The following TANC2 variants were observed in gnomAD, a reference collection of about 807,000 sequenced individuals.
TANC2 encodes protein TANC2.
TANC2 carries 26 observed loss-of-function variants against 210.5 expected under a neutral mutation model. The observed-to-expected ratio is 0.12, with a 90% confidence interval of 0.09 to 0.17. The LOEUF is 0.17. Ranked by LOEUF, TANC2 falls within the 10% of genes least tolerant of loss-of-function variation. The probability of loss-of-function intolerance (pLI) is 1.00; values close to 1 mark genes in which losing one functional copy is unlikely to be tolerated. For synonymous variants in TANC2, 931 were observed against 967.1 expected, an observed-to-expected ratio of 0.96 and a Z score of 0.69; for missense variants, 2,129 against 2,608.9, an observed-to-expected ratio of 0.82 and a Z score of 4.01.
chr17:63,352,774 T>A (rs2046654590), intron 13 of TANC2, among the ~76,000 whole-genome samples: 1 of 152,176 alleles, frequency 6.6e-6, no homozygotes, highest in Non-Finnish European at 1.5e-5. Context: ...AAAATGAGCC[T>A]TCATTTATAT....
In TANC2 at chr17:63,389,547, A is replaced by C; in HGVS notation, c.3051+3A>C. 6.2e-7 allele frequency: 1 copy of C among 1,601,356 alleles called. No homozygotes were observed. The highest frequency in any genetic ancestry group is 2.3e-5 in the East Asian group (1 of 44,434). Reference sequence around the variant, plus strand: ...TGCTGTGCAAGAAACGGGCCAAGGTACTGGCTGCCCAGCTCTGCTGCTTTT... The same window carrying C: ...TGCTGTGCAAGAAACGGGCCAAGGTCCTGGCTGCCCAGCTCTGCTGCTTTT... On this transcript the variant is annotated splice_donor_region_variant and intron_variant, in intron 17 of 27. Coordinates refer to ENST00000689528, the Ensembl canonical transcript of TANC2.
intron 5 of TANC2, chr17:63,153,456 G>A (rs75527397): frequency 6.6e-6 from 1 of 152,300 alleles, no homozygotes; most frequent in East Asian, 1.9e-4. Context: ...GGTTAGAGCA[G>A]TGGTTTTCAA....
chr17:63,266,773 T>G (rs1243010911), intron 8 of TANC2, among the ~76,000 whole-genome samples: 1 of 151,590 alleles, frequency 6.6e-6, no homozygotes, highest in African/African-American at 2.4e-5. Flanking sequence ...ATCTTAGGGG[T>G]TTTTTTTCCC....
chr17:63,136,849 C>G (rs1567754330), intron 4 of TANC2, among the ~76,000 whole-genome samples: 1 of 152,092 alleles, frequency 6.6e-6, no homozygotes, highest in East Asian at 1.9e-4. Flanking sequence ...CTGTGGAGAA[C>G]TCTAGCAGAG....
intron 11 of TANC2, among the ~76,000 whole-genome samples, chr17:63,328,047 A>G (rs1213785085): frequency 6.6e-6 from 1 of 152,172 alleles, no homozygotes; most frequent in Non-Finnish European, 1.5e-5. Flanking sequence ...AGCAACATGG[A>G]TGCAGCCGGA....
exon 14 of TANC2, chr17:63,354,939 A>G (rs1181909409): frequency 7.4e-6 from 12 of 1,613,760 alleles, no homozygotes; most frequent in African/African-American, 2.7e-5. Context: ...AATGGACAAT[A>G]CTACATTTGG....
At chr17:63,407,342 G>A (rs1052226724) in intron 21 of TANC2, among the ~76,000 whole-genome samples, 1 of 152,204 alleles carries the variant, frequency 6.6e-6, no homozygotes, top group African/African-American at 2.4e-5. Flanking sequence ...GGGGAAGCAA[G>A]GAGGAGGAAG....
intron 8 of TANC2, among the ~76,000 whole-genome samples, chr17:63,248,628 T>C (rs2042978500): frequency 6.6e-6 from 1 of 152,176 alleles, no homozygotes; most frequent in Admixed American, 6.5e-5. Context: ...CACCTTCTAT[T>C]GCCTAAGCTC....
rs57550590 is a variant in TANC2, at chr17:63,046,325, C to CTTTTTTTTTTTTTTT, written c.68-27608_68-27594dup. ...CAGGTGCGTGCCACCACACCCAGCT[C>CTTTTTTTTTTTTTTT]TTTTTTTTTTTTTTTTTTTTTTTTG... On this transcript the variant is annotated intron_variant, in intron 2 of 27. Coordinates refer to ENST00000689528, the Ensembl canonical transcript of TANC2. Among the ~76,000 whole-genome samples, 82 of 44,142 alleles carry CTTTTTTTTTTTTTTT rather than the reference C, an allele frequency of 1.9e-3. 20 individuals carry two copies. Among genetic ancestry groups the CTTTTTTTTTTTTTTT allele is most frequent in the African/African-American group, 8.7e-3 (74 of 8,536 alleles). 29.0% of individuals were successfully genotyped at this position (44,142 alleles called of 152,430 possible).
At chr17:62,993,240 C>T (rs1010691963) in intron 1 of TANC2, among the ~76,000 whole-genome samples, 4 of 152,190 alleles carry the variant, frequency 2.6e-5, no homozygotes, top group Non-Finnish European at 4.4e-5. Context: ...AGAATGTGGT[C>T]ACCTTTGGGG....
chr17:63,059,628 T>C (rs2035924874), intron 2 of TANC2, among the ~76,000 whole-genome samples: 2 of 152,170 alleles, frequency 1.3e-5, no homozygotes, highest in African/African-American at 4.8e-5. Context: ...TTTTTCATTT[T>C]CCCAGTTTTC....
intron 4 of TANC2, among the ~76,000 whole-genome samples, chr17:63,132,437 C>G (rs959466267): frequency 6.6e-6 from 1 of 152,098 alleles, no homozygotes; most frequent in African/African-American, 2.4e-5. Context: ...GTAAGGCAAA[C>G]AGTATCTCAT....
At chr17:63,020,453 G>A (rs936552502) in intron 2 of TANC2, among the ~76,000 whole-genome samples, 2 of 152,146 alleles carry the variant, frequency 1.3e-5, no homozygotes, top group East Asian at 1.9e-4. Context: ...GCAGGCACAC[G>A]CCACCATGTC....
chr17:63,374,040 T>TTG (rs1013891316), intron 14 of TANC2, among the ~76,000 whole-genome samples: 1 of 144,300 alleles, frequency 6.9e-6, no homozygotes, highest in African/African-American at 2.6e-5. Flanking sequence ...TGGTTTTTTT[T>TTG]TTTTTTTTTT....
chr17:63,167,649 T>A (rs749574112), intron 5 of TANC2, among the ~76,000 whole-genome samples: 1 of 151,824 alleles, frequency 6.6e-6, no homozygotes, highest in Non-Finnish European at 1.5e-5. Context: ...AATAAAACAT[T>A]TAGGTTTGTT....
intron 4 of TANC2, among the ~76,000 whole-genome samples, chr17:63,119,768 A>G (rs555553411): frequency 6.6e-6 from 1 of 152,176 alleles, no homozygotes; most frequent in East Asian, 1.9e-4. Flanking sequence ...TAATTCCAGC[A>G]CTTTGTGAGG....
chr17:63,011,713 A>T (rs1483813458), intron 2 of TANC2, among the ~76,000 whole-genome samples: 2 of 151,718 alleles, frequency 1.3e-5, no homozygotes, highest in African/African-American at 4.8e-5. Flanking sequence ...TTAAAAGTTC[A>T]TTTTTTTCTC....
intron 7 of TANC2, among the ~76,000 whole-genome samples, chr17:63,220,788 A>G (rs560890856): frequency 4.7e-5 from 7 of 147,876 alleles, no homozygotes; most frequent in Admixed American, 4.1e-4. Context: ...ATGTATGTGT[A>G]TATATGTATA....
intron 8 of TANC2, among the ~76,000 whole-genome samples, chr17:63,256,757 C>T (rs2043206885): frequency 6.6e-6 from 1 of 152,036 alleles, no homozygotes; most frequent in South Asian, 2.1e-4. Flanking sequence ...TAATTGGGTG[C>T]TCCAGTGTTA....
Sources: gnomAD v4.1 joint callset for allele counts (sites outside exome capture counted in the v4.1 genomes callset) on GRCh38, gnomAD v4.1.1 for gene constraint, MANE v1.5 for transcripts, NCBI Gene and HGNC (gene_info 2026-07-23, HGNC 2026-07-21) for gene names.